The following CSMD1 variants were observed in gnomAD, a reference collection of about 807,000 sequenced individuals.
CSMD1 encodes CUB and sushi domain-containing protein 1.
Under a neutral mutation model 417.5 loss-of-function variants are expected in CSMD1, and 213 were observed. That is an observed-to-expected ratio of 0.51 (90% CI 0.46 to 0.57). CSMD1 has a LOEUF of 0.57. CSMD1 is among the 20% of genes least tolerant of loss of function. CSMD1 has a pLI of 0.00. For missense variants in CSMD1, 6,923 were observed against 4,529.7 expected (o/e 1.53, Z -15.17); for synonymous variants, 2,862 against 1,736.8 (o/e 1.65, Z -16.11).
At chr8:3,584,291 G>C (rs1303921989) in intron 9 of CSMD1, among the ~76,000 whole-genome samples, 1 of 152,140 alleles carries the variant, frequency 6.6e-6, no homozygotes, top group Admixed American at 6.5e-5. Context: ...CAGAGTCTTG[G>C]CGATTACTAG....
chr8:3,188,304 C>CTTTTTTT (rs33913660), intron 35 of CSMD1, among the ~76,000 whole-genome samples: 3 of 87,622 alleles, frequency 3.4e-5, no homozygotes, highest in African/African-American at 4.6e-5. Flanking sequence ...CTTTTCCTTT[C>CTTTTTTT]TTTTTTTTTT....
intron 5 of CSMD1, among the ~76,000 whole-genome samples, chr8:3,960,031 G>C (rs910692941): frequency 3.3e-5 from 5 of 152,334 alleles, no homozygotes; most frequent in African/African-American, 1.2e-4. Context: ...TTTGCAAGGA[G>C]CCTTCTGGGC....
intron 3 of CSMD1, among the ~76,000 whole-genome samples, chr8:4,389,405 C>T (rs180839503): frequency 6.6e-6 from 1 of 152,018 alleles, no homozygotes; most frequent in Admixed American, 6.6e-5. Flanking sequence ...AGAATTAGAC[C>T]ATAGAAACAT....
chr8:4,163,036 A>G (rs1797259468), intron 3 of CSMD1, among the ~76,000 whole-genome samples: 1 of 152,172 alleles, frequency 6.6e-6, no homozygotes, highest in South Asian at 2.1e-4. Context: ...CGTGCACTTC[A>G]GTTCACTCTA....
At chr8:4,630,716 G>C (rs185120988) in intron 2 of CSMD1, among the ~76,000 whole-genome samples, 23 of 152,186 alleles carry the variant, frequency 1.5e-4, no homozygotes, top group Admixed American at 1.1e-3. Context: ...TCCACCTCTG[G>C]TGCCCTCACT....
chr8:4,152,339 C>G (rs1485965909), intron 3 of CSMD1, among the ~76,000 whole-genome samples: 1 of 152,056 alleles, frequency 6.6e-6, no homozygotes, highest in Non-Finnish European at 1.5e-5. Context: ...TTACAGAAAT[C>G]AGGTAGACAC....
rs556775994 is a variant in CSMD1 at position 4,284,787 on chromosome 8, C to G, written c.415+135166G>C. On this transcript the variant is annotated intron_variant, in intron 3 of 69. Coordinates refer to ENST00000635120, the MANE Select transcript of CSMD1 (RefSeq NM_033225.6). Reference sequence around the variant, plus strand: ...CCACTTGCCTGGCTCTTTCCAAAAACCACACATATTTTACAAACTTCAATA... The same window carrying G: ...CCACTTGCCTGGCTCTTTCCAAAAAGCACACATATTTTACAAACTTCAATA... Among the ~76,000 whole-genome samples, 3 of 152,170 alleles carry G rather than the reference C, an allele frequency of 2.0e-5. No individual in the cohort carries two copies. The South Asian group carries it at 6.2e-4, about 32-fold the overall frequency.
chr8:4,269,291 T>A (rs1270304477), intron 3 of CSMD1, among the ~76,000 whole-genome samples: 1 of 152,120 alleles, frequency 6.6e-6, no homozygotes, highest in Non-Finnish European at 1.5e-5. Context: ...CTCCAACTCT[T>A]GATCTCAGGT....
chr8:3,909,882 C>G (rs1056736089), intron 5 of CSMD1, among the ~76,000 whole-genome samples: 13 of 152,080 alleles, frequency 8.5e-5, no homozygotes, highest in South Asian at 4.1e-4. Flanking sequence ...GGTACAAAAT[C>G]GTTAAAAGAC....
At chr8:3,847,187 G>T (rs942165526) in intron 5 of CSMD1, among the ~76,000 whole-genome samples, 1 of 152,070 alleles carries the variant, frequency 6.6e-6, no homozygotes, top group Non-Finnish European at 1.5e-5. Context: ...TACAGGTGGC[G>T]CGGTGTCACT....
Position 4,035,370 on chromosome 8 carries a change from T to C in CSMD1, c.416-3271A>G, listed in dbSNP as rs144071171. ...TACTATACTATACTTTTTATCATTA[T>C]TTCAGAGTGTGCTTCTTCTACTAAA... On this transcript the variant is annotated intron_variant, in intron 3 of 69. Transcript: ENST00000635120. Among the ~76,000 whole-genome samples, 21 of 152,302 alleles carry C rather than the reference T, an allele frequency of 1.4e-4. No homozygotes were observed. In the East Asian group the frequency reaches 3.7e-3, roughly 27 times the overall value.
At chr8:3,056,117 G>A (rs1290183030) in intron 49 of CSMD1, among the ~76,000 whole-genome samples, 2 of 152,184 alleles carry the variant, frequency 1.3e-5, no homozygotes, top group African/African-American at 4.8e-5. Flanking sequence ...TTAGTTGCAA[G>A]GATTAACTCT....
intron 23 of CSMD1, among the ~76,000 whole-genome samples, chr8:3,313,165 T>C (rs890366525): frequency 2.1e-4 from 32 of 152,160 alleles, no homozygotes; most frequent in Non-Finnish European, 4.0e-4. Flanking sequence ...CCATAAAAAC[T>C]CTAGAAGAAA....
At chr8:3,506,071 G>C (rs1487794562) in intron 10 of CSMD1, among the ~76,000 whole-genome samples, 2 of 152,180 alleles carry the variant, frequency 1.3e-5, no homozygotes, top group Non-Finnish European at 2.9e-5. Flanking sequence ...TCCTGGGGTT[G>C]AGCCCTGGGG....
At position 4,117,101 on chromosome 8, in the gene CSMD1, G is replaced by C. The variant is rs75211586; in HGVS notation, c.416-85002C>G. On this transcript the variant is annotated intron_variant, in intron 3 of 69. Coordinates refer to ENST00000635120, the MANE Select transcript of CSMD1 (RefSeq NM_033225.6). ...TCCTTTCTACTCCCTTTTCCCCCTT[G>C]AGCTTTGTTTTTTCTTGCTGCCACA... 2.6e-4 allele frequency among the ~76,000 whole-genome samples: 40 copies of C among 151,552 alleles called. 1 individual carries two copies. In the East Asian group the frequency reaches 7.0e-3, roughly 27 times the overall value.
At chr8:4,059,458 G>A (rs1798859284) in intron 3 of CSMD1, among the ~76,000 whole-genome samples, 1 of 152,126 alleles carries the variant, frequency 6.6e-6, no homozygotes, top group Non-Finnish European at 1.5e-5. Context: ...AGAACTGAAG[G>A]AAATAGAGAT....
intron 10 of CSMD1, among the ~76,000 whole-genome samples, chr8:3,505,001 G>A (rs1050873955): frequency 8.1e-6 from 1 of 124,210 alleles, no homozygotes; most frequent in Non-Finnish European, 1.6e-5. Flanking sequence ...ACAAAACAGT[G>A]ATGGAGAAAC....
intron 26 of CSMD1, among the ~76,000 whole-genome samples, chr8:3,271,973 G>A (rs926947601): frequency 2.6e-5 from 4 of 152,024 alleles, no homozygotes; most frequent in African/African-American, 9.7e-5. Flanking sequence ...TGTTGCCTTT[G>A]CTTTTTGTGT....
At chr8:4,700,239 A>G (rs1275024152) in intron 1 of CSMD1, among the ~76,000 whole-genome samples, 3 of 152,152 alleles carry the variant, frequency 2.0e-5, no homozygotes, top group African/African-American at 7.2e-5. Context: ...TCAAAGAAAG[A>G]ACCTCTTGTT....
Sources: gnomAD v4.1 joint callset for allele counts (sites outside exome capture counted in the v4.1 genomes callset) on GRCh38, gnomAD v4.1.1 for gene constraint, MANE v1.5 for transcripts, NCBI Gene and HGNC (gene_info 2026-07-23, HGNC 2026-07-21) for gene names.